The following EXOSC7 variants were observed in gnomAD, a reference collection of about 807,000 sequenced individuals.
The protein encoded by EXOSC7 is exosome complex component RRP42.
In EXOSC7, 25 loss-of-function variants were observed where a neutral mutation model predicts 34.3. That is an observed-to-expected ratio of 0.73 (90% CI 0.53 to 1.02). The LOEUF is 1.02. Ranked by LOEUF, EXOSC7 falls within the 50% of genes least tolerant of loss-of-function variation. The pLI, the probability that EXOSC7 is intolerant of heterozygous loss-of-function variation, is 0.00. For missense variants in EXOSC7, 370 were observed against 368.5 expected (o/e 1.00, Z -0.03); for synonymous variants, 130 against 143.0 (o/e 0.91, Z 0.65).
chr3:45,008,509 G>A (rs780611608), intron 7 of EXOSC7, among the ~76,000 whole-genome samples: 2 of 152,210 alleles, frequency 1.3e-5, no homozygotes, highest in Non-Finnish European at 2.9e-5. Flanking sequence ...GGCTGTGAGG[G>A]TGTACTGCCC....
Position 45,011,288 on chromosome 3 carries a change from C to A in EXOSC7, c.825C>A (p.His275Gln). 3 of 1,613,408 alleles carry A rather than the reference C, an allele frequency of 1.9e-6. No individual in the cohort carries two copies. The highest frequency in any genetic ancestry group is 1.7e-6 in the Non-Finnish European group (2 of 1,179,714). Residue 275 changes from histidine to glutamine, a missense_variant, in exon 8 of 8, where the codon CAC (histidine) becomes CAA (glutamine). His to Gln is a conservative substitution (Grantham distance 24, BLOSUM62 0). Transcript: ENST00000265564. ...VLHASLQSVV[H>Q]KEESLGPKRQ... ...ATGCCTCCTTGCAGAGTGTTGTGCACAAGGAAGAAAGCCTGGGGCCCAAGA... is the reference window on the plus strand; with the variant it reads ...ATGCCTCCTTGCAGAGTGTTGTGCAAAAGGAAGAAAGCCTGGGGCCCAAGA...
At chr3:44,994,122 C>A (rs895550883) in intron 3 of EXOSC7, among the ~76,000 whole-genome samples, 1 of 152,058 alleles carries the variant, frequency 6.6e-6, no homozygotes, top group Non-Finnish European at 1.5e-5. Context: ...AATTACATAA[C>A]CTCTCTGTGA....
In EXOSC7 at chr3:45,005,376, A is replaced by G; in HGVS notation, c.577A>G (p.Ser193Gly). Reference sequence around the variant, plus strand: ...TGACCCTTATGACTGCATACGACTAAGTGTGGAGAATGTCCCCTGCATTGT... The same window carrying G: ...TGACCCTTATGACTGCATACGACTAGGTGTGGAGAATGTCCCCTGCATTGT... ...SDDPYDCIRLSVENVPCIVTL... is the reference protein window; with the variant it reads ...SDDPYDCIRLGVENVPCIVTL... Residue 193 changes from serine to glycine, a missense_variant, in exon 6 of 8, where the codon AGT becomes GGT. This residue lies in a region of EXOSC7 where 255 missense variants were observed against 246.4 expected (regional missense o/e 1.03). Coordinates refer to ENST00000265564, the MANE Select transcript of EXOSC7 (RefSeq NM_015004.4). 6.2e-7 allele frequency: 1 copy of G among 1,614,142 alleles called. No homozygotes were observed. Among genetic ancestry groups the G allele is most frequent in the Non-Finnish European group, 8.5e-7 (1 of 1,180,004 alleles).
At chr3:44,997,275 G>A (rs1390629776) in intron 4 of EXOSC7, 23 bp downstream of exon 4, 1 of 1,589,462 alleles carries the variant, frequency 6.3e-7, no homozygotes. Flanking sequence ...GTGCTGTACT[G>A]GCCACATTCT....
intron 1 of EXOSC7, among the ~76,000 whole-genome samples, chr3:44,982,129 G>A (rs566555872): frequency 4.0e-4 from 61 of 152,152 alleles, no homozygotes; most frequent in South Asian, 1.7e-3. Context: ...CTTTACTTTC[G>A]TGTGGCCTCT....
intron 4 of EXOSC7, among the ~76,000 whole-genome samples, chr3:45,000,571 T>C (rs62243362): frequency 0.07 from 10,671 of 152,318 alleles, 476 homozygotes; most frequent in Middle Eastern, 0.18. Flanking sequence ...CATACGTAAG[T>C]GCACTCAACA....
At chr3:45,012,267 T>C (rs1361244598), downstream of EXOSC7, 1 of 152,250 alleles carries the variant, frequency 6.6e-6, no homozygotes, top group East Asian at 1.9e-4. Context: ...GCATTTGCTC[T>C]CTGCATTCCA....
At chr3:44,987,256 A>G (rs542474555) in intron 1 of EXOSC7, among the ~76,000 whole-genome samples, 1 of 152,362 alleles carries the variant, frequency 6.6e-6, no homozygotes, top group East Asian at 1.9e-4. Context: ...AGAAAGGGGC[A>G]TGAAAATAGC....
intron 3 of EXOSC7, among the ~76,000 whole-genome samples, chr3:44,995,737 C>T (rs999549860): frequency 6.6e-6 from 1 of 152,206 alleles, no homozygotes; most frequent in Non-Finnish European, 1.5e-5. Context: ...ATTCTGCTGG[C>T]TCACAGTGGT....
chr3:45,007,668 T>C, intron 7 of EXOSC7, 93 bp downstream of exon 7: 1 of 1,330,790 alleles, frequency 7.5e-7, no homozygotes, highest in African/African-American at 1.5e-5. Flanking sequence ...TTCTCCCCAT[T>C]CACAGCCTTG....
At chr3:44,983,204 C>G (rs1391102828) in intron 1 of EXOSC7, among the ~76,000 whole-genome samples, 1 of 152,180 alleles carries the variant, frequency 6.6e-6, no homozygotes, top group African/African-American at 2.4e-5. Context: ...TGTCCTTCCA[C>G]TCTGTCACAA....
intron 1 of EXOSC7, chr3:44,977,043 A>AG (rs1480185985): frequency 6.6e-6 from 1 of 152,408 alleles, no homozygotes; most frequent in Non-Finnish European, 1.5e-5. Flanking sequence ...TCAAAAAAAA[A>AG]GCGGCTAGGC....
chr3:45,001,676 T>C, intron 5 of EXOSC7, 68 bp downstream of exon 5: 1 of 1,124,458 alleles, frequency 8.9e-7, no homozygotes, highest in Non-Finnish European at 1.4e-6. Context: ...AATGGAACAC[T>C]GAGGAAATTT....
At chr3:44,981,994 C>T (rs571669247) in intron 1 of EXOSC7, among the ~76,000 whole-genome samples, 1 of 152,324 alleles carries the variant, frequency 6.6e-6, no homozygotes, top group East Asian at 1.9e-4. Context: ...TATCTCATGG[C>T]CTGTGTGGCT....
Position 44,997,176 on chromosome 3 carries a change from A to G in EXOSC7, c.344A>G (p.Asn115Ser), listed in dbSNP as rs1394129452. Reference sequence around the variant, plus strand: ...AACACCCTCTATCGGATATTTAACAATAAAAGCAGTGTCGACTTAAAGACC... The same window carrying G: ...AACACCCTCTATCGGATATTTAACAGTAAAAGCAGTGTCGACTTAAAGACC... ...IANTLYRIFN[N>S]KSSVDLKTLC... is the part of the protein sequence containing the mutation. The change falls in exon 4 of 8, where the codon AAT becomes AGT. Residue 115 changes from asparagine (N) to serine (S), a missense_variant. Physicochemically the swap from Asn to Ser is conservative, Grantham distance 46. Transcript: ENST00000265564. The G allele has an allele frequency of 3.1e-6, 5 of 1,613,912 alleles. No homozygotes were observed. Among genetic ancestry groups the G allele is most frequent in the Non-Finnish European group, 4.2e-6 (5 of 1,180,022 alleles).
intron 1 of EXOSC7, among the ~76,000 whole-genome samples, chr3:44,978,691 G>C (rs1436423715): frequency 6.6e-6 from 1 of 152,212 alleles, no homozygotes; most frequent in Non-Finnish European, 1.5e-5. Flanking sequence ...CCAGAAGGAA[G>C]GGGTGGTGAG....
At chr3:44,988,085 C>G (rs1706470793) in intron 1 of EXOSC7, among the ~76,000 whole-genome samples, 1 of 152,168 alleles carries the variant, frequency 6.6e-6, no homozygotes, top group African/African-American at 2.4e-5. Flanking sequence ...AGCCTAGTTC[C>G]TGGTTTTAAG....
chr3:45,007,283 G>C (rs1244909023), intron 6 of EXOSC7, 137 bp from the exon 7 acceptor site: 1 of 854,906 alleles, frequency 1.2e-6, no homozygotes, highest in African/African-American at 1.7e-5. Context: ...TTCCTCGTGA[G>C]CAGAATCTAA....
At chr3:45,005,182 C>T (rs1706998374) in intron 5 of EXOSC7, 109 bp from the exon 6 acceptor site, 4 of 1,245,392 alleles carry the variant, frequency 3.2e-6, no homozygotes, top group Non-Finnish European at 3.5e-6. Context: ...ATAGGCATAG[C>T]GTGTCTTTCT....
Sources: gnomAD v4.1 joint callset for allele counts (sites outside exome capture counted in the v4.1 genomes callset) on GRCh38, gnomAD v4.1.1 for gene constraint, gnomAD v4.1.1 regional missense constraint, MANE v1.5 for transcripts, NCBI Gene and HGNC (gene_info 2026-07-23, HGNC 2026-07-21) for gene names.